GTF3C1: variants seen among roughly 807,000 people sequenced by gnomAD.
The protein encoded by GTF3C1 is general transcription factor IIIC subunit 1.
A neutral mutation model predicts 226.7 loss-of-function variants in GTF3C1; 57 were observed. The observed-to-expected ratio is 0.25, with a 90% CI of 0.20 to 0.31. GTF3C1 has a LOEUF of 0.31. Among genes scored for constraint, GTF3C1 ranks in the 10% least tolerant of loss-of-function variants. GTF3C1 has a pLI of 1.00. For synonymous variants in GTF3C1, 1,090 were observed against 1,084.8 expected (o/e 1.00, Z -0.09); for missense variants, 2,217 against 2,776.1 (o/e 0.80, Z 4.53).
At position 27,463,180 on chromosome 16, in the gene GTF3C1, A is replaced by G. The variant is rs139124637; in HGVS notation, c.5924+361T>C. On this transcript the variant is annotated intron_variant, in intron 35 of 36. Coordinates refer to ENST00000356183, the MANE Select transcript of GTF3C1 (RefSeq NM_001520.4). This position sits in a 1 kb window ranked among gnomAD's most constrained non-coding sequence, Gnocchi z 4.9. ...ATGGTTGTCCCGGGGGCAGCTGGGC[A>G]TTCAGGGCTTATCCCTCTGTGGACC... 7.7e-4 allele frequency: 213 copies of G among 277,370 alleles called. No individual in the cohort carries two copies. The highest frequency in any genetic ancestry group is 1.2e-3 in the Non-Finnish European group (185 of 149,138). 17.2% of individuals were successfully genotyped at this position (277,370 alleles called of 1,614,324 possible). A position where few individuals can be genotyped will look rare whatever the true frequency, so the allele number is the denominator to read the frequency against.
rs750258832 is a variant in GTF3C1, at chr16:27,497,736, A to G, written c.2251T>C (p.Ser751Pro). 6.2e-7 allele frequency: 1 copy of G among 1,613,552 alleles called. No individual in the cohort carries two copies. Among genetic ancestry groups the G allele is most frequent in the Admixed American group, 1.7e-5 (1 of 60,008 alleles). Residue 751 changes from serine (S) to proline (P), a missense_variant, in exon 14 of 37, where the codon TCT becomes CCT. Around this residue, in one of 12 missense-constraint regions of GTF3C1, gnomAD observed 100 missense variants for 139.9 expected, o/e 0.71. Coordinates refer to ENST00000356183, the MANE Select transcript of GTF3C1 (RefSeq NM_001520.4). ...GATCTAGAGGAAGCACTCAGCTGAGAGTCCCCTGATCCACTTGGGCCCTCT... is the reference window on the plus strand; with the variant it reads ...GATCTAGAGGAAGCACTCAGCTGAGGGTCCCCTGATCCACTTGGGCCCTCT... The part of the protein sequence containing the change: ...GKEGPSGSGD[S>P]QLSASSRSES...
chr16:27,484,072 CCAT>C, intron 25 of GTF3C1, 136 bp downstream of exon 25: 1 of 661,026 alleles, frequency 1.5e-6, no homozygotes, highest in Non-Finnish European at 2.7e-6. Flanking sequence ...AAACCAAGGT[CCAT>C]CTCCCCAGCA....
chr16:27,495,513 G>C (rs2088303466), intron 14 of GTF3C1, 21 bp from the exon 15 acceptor site: 1 of 1,602,338 alleles, frequency 6.2e-7, no homozygotes, highest in African/African-American at 1.3e-5. Context: ...AGAGGGAGAG[G>C]GCGGTGCTTG....
chr16:27,488,463 G>T, intron 22 of GTF3C1, 48 bp from the exon 23 acceptor site: 1 of 1,562,756 alleles, frequency 6.4e-7, no homozygotes, highest in Non-Finnish European at 8.8e-7. Context: ...GTGCTGCAAA[G>T]GCCAGGAAGA....
Position 27,488,314 on chromosome 16 carries a change from G to A in GTF3C1, c.3613C>T (p.Arg1205Ter). ...TTCCCACCCCTCACTCTCCGGTTTC[G>A]GTCCAGCGAGGGCTCTCGGTCCACC... ...FEVDREPSLD[R>*]NRRVRGGKSQ... is the part of the protein sequence containing the mutation. Residue 1205 changes from arginine (R) to a stop codon, truncating the protein, a stop_gained, in exon 23 of 37, where the codon CGA (arginine) becomes TGA (stop). Transcript: ENST00000356183. LOFTEE classifies it high-confidence loss of function. 3.7e-6 allele frequency: 6 copies of A among 1,614,054 alleles called. No homozygotes were observed. Among genetic ancestry groups the A allele is most frequent in the African/African-American group, 1.3e-5 (1 of 75,008 alleles).
chr16:27,510,015 G>A lies in GTF3C1; in HGVS notation c.1127-1360C>T, dbSNP rs561387873. Among the ~76,000 whole-genome samples, 24 of 152,288 alleles carry A rather than the reference G, an allele frequency of 1.6e-4. No individual in the cohort carries two copies. The South Asian group carries it at 2.7e-3, about 17-fold the overall frequency. ...TGTAATCCCAGCACTTTGGGAGGCC[G>A]AGGTGGGTGGATCACCTGAGGTTAG... On this transcript the variant is annotated intron_variant, in intron 7 of 36. Transcript: ENST00000356183.
intron 14 of GTF3C1, among the ~76,000 whole-genome samples, chr16:27,496,907 T>C (rs1192726782): frequency 2.0e-5 from 3 of 152,236 alleles, no homozygotes; most frequent in Non-Finnish European, 4.4e-5. Flanking sequence ...CATGCACTCA[T>C]GCTGCTGTTC....
At chr16:27,481,036 T>C in intron 27 of GTF3C1, 43 bp downstream of exon 27, 3 of 1,512,126 alleles carry the variant, frequency 2.0e-6, no homozygotes, top group South Asian at 1.1e-5. Context: ...CTTTTCTTCT[T>C]GCCCTGCGAG....
intron 10 of GTF3C1, 51 bp downstream of exon 10, chr16:27,505,848 A>G (rs764987759): frequency 3.0e-6 from 3 of 995,264 alleles, no homozygotes; most frequent in Non-Finnish European, 3.2e-6. Context: ...AGAAACGATG[A>G]GGCCACAGAC....
intron 33 of GTF3C1, 40 bp from the exon 34 acceptor site, chr16:27,464,876 G>A (rs962392935): frequency 1.2e-5 from 18 of 1,468,096 alleles, no homozygotes; most frequent in African/African-American, 1.4e-5. Context: ...TGGGGAGCTC[G>A]GGATCCTCCA....
In GTF3C1 at chr16:27,465,180, G is replaced by A. The variant is rs2087767310; in HGVS notation, c.5355+80C>T. ...CGCAGCATGCTATGCCCCAAATCAA[G>A]CCCATCCTCAGTGTGCACCTGGCCT... On this transcript the variant is annotated intron_variant, in intron 33 of 36. Transcript: ENST00000356183. 1.2e-5 allele frequency: 16 copies of A among 1,304,684 alleles called. No homozygotes were observed. In the South Asian group the frequency reaches 1.8e-4, roughly 15 times the overall value. 80.8% of individuals were successfully genotyped at this position (1,304,684 alleles called of 1,614,324 possible).
Position 27,506,940 on chromosome 16 carries a change from T to A in GTF3C1, c.1459A>T (p.Ser487Cys). Residue 487 changes from serine to cysteine, a missense_variant, in exon 9 of 37, where the codon AGC (serine) becomes TGC (cysteine). By Grantham distance (112) the Ser-to-Cys change is moderately radical. Around this residue, in one of 12 missense-constraint regions of GTF3C1, gnomAD observed 173 missense variants for 207.2 expected, o/e 0.83. Coordinates refer to ENST00000356183, the MANE Select transcript of GTF3C1 (RefSeq NM_001520.4). ...TGGGACCCTCTGCCTCTCCGCTTGC[T>A]GCTGCTCCTCTCCTCCTCACTGTCC... ...ESDSEEERSS[S>C]KRRGRGSQKD... 6.2e-7 allele frequency: 1 copy of A among 1,614,006 alleles called. No homozygotes were observed. Among genetic ancestry groups the A allele is most frequent in the Non-Finnish European group, 8.5e-7 (1 of 1,179,922 alleles).
At position 27,492,357 on chromosome 16, in the gene GTF3C1, G is replaced by A. The variant is rs2088245571; in HGVS notation, c.3132C>T (p.Val1044=). 1.2e-6 allele frequency: 2 copies of A among 1,602,776 alleles called. No homozygotes were observed. Among genetic ancestry groups the A allele is most frequent in the Non-Finnish European group, 1.7e-6 (2 of 1,172,600 alleles). The change falls in exon 19 of 37, where the codon GTC becomes GTT. Residue 1044 remains valine, a synonymous_variant. Transcript: ENST00000356183. The surrounding 1 kb of genome is among the most constrained non-coding windows in gnomAD (Gnocchi z 5.0). ...VENYWFDLQC[V]CLNTPLGVVR... ...ACCCACCTAGTGGGGTGTTGAGGCA[G>A]ACGCACTGCAGGTCAAACCAGTAGT...
rs1195368996 is a variant in GTF3C1, at chr16:27,515,478, C to A, written c.974-3577G>T. On this transcript the variant is annotated intron_variant, in intron 6 of 36. Coordinates refer to ENST00000356183, the MANE Select transcript of GTF3C1 (RefSeq NM_001520.4). ...AACAAAACACAACAAAAAAAAAAAA[C>A]AAAAAAAACCCTTCTTCTCCCCACC... 1.7e-3 allele frequency among the ~76,000 whole-genome samples: 252 copies of A among 147,122 alleles called. 1 individual carries two copies. The highest frequency in any genetic ancestry group is 3.1e-3 in the Non-Finnish European group (202 of 65,894).
At chr16:27,512,402 T>A (rs2088587533) in intron 6 of GTF3C1, among the ~76,000 whole-genome samples, 1 of 152,206 alleles carries the variant, frequency 6.6e-6, no homozygotes, top group African/African-American at 2.4e-5. Flanking sequence ...TTCTAGAGCA[T>A]TTCAAGGGGA....
In GTF3C1 at chr16:27,478,508, T is replaced by A. The variant is rs1027314754; in HGVS notation, c.4220A>T (p.Asp1407Val). ...CTCTTTCCTGGTTTGATCTTTTTCA[T>A]CCCCAATTGCCAAAACTCGGTACCT... ...FARYRVLAIGDEKDQTRKEDE... is the reference protein window; with the variant it reads ...FARYRVLAIGVEKDQTRKEDE... The change falls in exon 28 of 37, where the codon GAT (aspartate) becomes GTT (valine). Residue 1407 changes from aspartate to valine, a missense_variant. Coordinates refer to ENST00000356183, the MANE Select transcript of GTF3C1 (RefSeq NM_001520.4). The A allele has an allele frequency of 1.2e-6, 2 of 1,612,198 alleles. No homozygotes were observed.
At chr16:27,517,750 G>A (rs1239455136) in intron 6 of GTF3C1, among the ~76,000 whole-genome samples, 1 of 152,208 alleles carries the variant, frequency 6.6e-6, no homozygotes, top group Non-Finnish European at 1.5e-5. Context: ...CAGCCATTGT[G>A]TTCGGTGTTT....
intron 6 of GTF3C1, among the ~76,000 whole-genome samples, chr16:27,520,828 C>T (rs1428529871): frequency 6.6e-6 from 1 of 152,092 alleles, no homozygotes; most frequent in African/African-American, 2.4e-5. Context: ...AAGCGATTCT[C>T]CTGCCTCAGC....
At chr16:27,472,088 G>T (rs1231416266) in intron 29 of GTF3C1, among the ~76,000 whole-genome samples, 168 bp from the exon 30 acceptor site, 10 of 152,112 alleles carry the variant, frequency 6.6e-5, no homozygotes. Flanking sequence ...GTGAGTGTGT[G>T]TATCAGGGGG....
Sources: allele counts gnomAD v4.1 joint callset (sites outside exome capture counted in the v4.1 genomes callset), GRCh38; gene constraint gnomAD v4.1.1; regional missense constraint gnomAD v4.1.1; non-coding constraint Gnocchi (gnomAD v3.1); transcripts MANE v1.5; gene names NCBI Gene and HGNC (gene_info 2026-07-23, HGNC 2026-07-21).